Variants in MCM3AP observed in about 807,000 individuals in gnomAD.
MCM3AP encodes minichromosome maintenance complex component 3 associated protein.
In MCM3AP, 126 loss-of-function variants were observed where a neutral mutation model predicts 184.1. That is an observed-to-expected ratio of 0.68 (90% confidence interval 0.59 to 0.79). The LOEUF is 0.79. Ranked by LOEUF, MCM3AP falls within the 30% of genes least tolerant of loss-of-function variation. MCM3AP has a pLI of 0.00. For synonymous variants in MCM3AP, 1,002 were observed against 979.3 expected (o/e 1.02, Z -0.43); for missense variants, 2,496 against 2,479.2 (o/e 1.01, Z -0.14).
chr21:46,251,884 T>A, intron 19 of MCM3AP: 3 of 248,790 alleles, frequency 1.2e-5, no homozygotes, highest in East Asian at 7.6e-5. Context: ...ACTCGTTCTT[T>A]TTTTTTTTTT....
chr21:46,278,179 A>G (rs2081279592), intron 4 of MCM3AP, among the ~76,000 whole-genome samples: 1 of 151,570 alleles, frequency 6.6e-6, no homozygotes, highest in Non-Finnish European at 1.5e-5. Context: ...AAAAAAAAAG[A>G]TAGGCTCATT....
In MCM3AP at chr21:46,256,915, C is replaced by T; in HGVS notation, c.3806G>A (p.Cys1269Tyr). Residue 1269 changes from cysteine (C) to tyrosine (Y), a missense_variant, in exon 17 of 28, where the codon TGC becomes TAC. Physicochemically the swap from Cys to Tyr is radical, Grantham distance 194. This residue lies in a region of MCM3AP where 1,323 missense variants were observed against 1,273.4 expected (regional missense o/e 1.04). Coordinates refer to ENST00000291688, the MANE Select transcript of MCM3AP (RefSeq NM_003906.5). ...CCTCAGCCGGTCGCTCACGTCCACG[C>T]AGCAGGGCGCAGCAGGGAAAGCCCG... Reference protein sequence around the residue: ...QMRAFPAAPCCVDVSDRLRAL... With the variant: ...QMRAFPAAPCYVDVSDRLRAL... 1 of 1,610,900 alleles carries T rather than the reference C, an allele frequency of 6.2e-7. No homozygotes were observed.
At chr21:46,260,703 A>C (rs2081030103) in intron 15 of MCM3AP, 90 bp downstream of exon 15, 1 of 887,306 alleles carries the variant, frequency 1.1e-6, no homozygotes, top group East Asian at 2.4e-5. Flanking sequence ...ATCCATTTCC[A>C]ATAGCCCATC....
rs1346699875 is a variant in MCM3AP, at chr21:46,285,258, T to C, written c.29A>G (p.Gln10Arg). 6.2e-7 allele frequency: 1 copy of C among 1,613,986 alleles called. No homozygotes were observed. The highest frequency in any genetic ancestry group is 1.1e-5 in the South Asian group (1 of 91,076). MNPTNPFSG[Q>R]QPSAFSASSS... ...AGACGCCGAAAAAGCACTAGGCTGC[T>C]GCCCACTGAAAGGATTAGTTGGGTT... is the stretch of plus-strand genomic sequence containing the variant. Residue 10 changes from glutamine to arginine, a missense_variant, in exon 1 of 28, where the codon CAG becomes CGG. By Grantham distance (43) the Gln-to-Arg change is conservative. Around this residue, in one of 5 missense-constraint regions of MCM3AP, gnomAD observed 800 missense variants for 717.1 expected, o/e 1.12. Transcript: ENST00000291688.
chr21:46,242,983 C>T, intron 24 of MCM3AP, 52 bp from the exon 25 acceptor site: 1 of 1,251,788 alleles, frequency 8.0e-7, no homozygotes, highest in Non-Finnish European at 1.1e-6. Context: ...CCAACCCTGT[C>T]TCAAAAAAAA....
At chr21:46,277,368 CAAG>C in intron 5 of MCM3AP, among the ~76,000 whole-genome samples, 156 bp downstream of exon 5, 1 of 152,272 alleles carries the variant, frequency 6.6e-6, no homozygotes, top group Non-Finnish European at 1.5e-5. Context: ...ACACTCACTC[CAAG>C]AAGACAGGCA....
At chr21:46,265,584 G>T in intron 11 of MCM3AP, 61 bp from the exon 12 acceptor site, 1 of 1,380,860 alleles carries the variant, frequency 7.2e-7, no homozygotes, top group South Asian at 1.4e-5. Flanking sequence ...GCACCACGGG[G>T]ACCGAGGTCT....
intron 26 of MCM3AP, among the ~76,000 whole-genome samples, chr21:46,239,886 G>C (rs1459925891): frequency 1.3e-5 from 2 of 152,158 alleles, no homozygotes; most frequent in African/African-American, 4.8e-5. Context: ...GGAGGATCAA[G>C]TATGGGATGC....
rs1179227331 is a variant in MCM3AP at position 46,283,619 on chromosome 21, T to C, written c.1439A>G (p.Asp480Gly). 1.9e-6 allele frequency: 3 copies of C among 1,610,672 alleles called. No individual in the cohort carries two copies. The highest frequency in any genetic ancestry group is 1.7e-6 in the Non-Finnish European group (2 of 1,177,212). The change falls in exon 2 of 28, where the codon GAT (aspartate) becomes GGT (glycine). Residue 480 changes from aspartate to glycine, a missense_variant. By Grantham distance (94) the Asp-to-Gly change is moderately conservative. Around this residue, in one of 5 missense-constraint regions of MCM3AP, gnomAD observed 800 missense variants for 717.1 expected, o/e 1.12. Transcript: ENST00000291688. ...TGGCAAGATGGGAGTACTCACATGA[T>C]CAAAGAAATGTACCACTGCAAGCTT... is the stretch of plus-strand genomic sequence containing the variant. ...SKKLAVVHFFDHASAALARKK... is the reference protein window; with the variant it reads ...SKKLAVVHFFGHASAALARKK...
chr21:46,250,362 G>A (rs2080849752), intron 20 of MCM3AP: 1 of 148,690 alleles, frequency 6.7e-6, no homozygotes, highest in East Asian at 2.0e-4. Flanking sequence ...CAGTGGCCAA[G>A]AGGACCCCCC....
At chr21:46,241,308 T>C (rs147557585) in intron 25 of MCM3AP, 108 of 308,240 alleles carry the variant, frequency 3.5e-4, no homozygotes, top group Middle Eastern at 9.7e-4. Flanking sequence ...AAGAGGCAGC[T>C]AGGTTTTTGG....
At chr21:46,269,625 G>A (rs1327489536) in intron 9 of MCM3AP, among the ~76,000 whole-genome samples, 1 of 152,176 alleles carries the variant, frequency 6.6e-6, no homozygotes, top group Non-Finnish European at 1.5e-5. Flanking sequence ...AACCAAGGCA[G>A]GTCCCAGGAT....
chr21:46,276,645 T>G (rs1158103514), intron 5 of MCM3AP, among the ~76,000 whole-genome samples: 1 of 151,992 alleles, frequency 6.6e-6, no homozygotes, highest in Non-Finnish European at 1.5e-5. Context: ...TTTTCCATGT[T>G]GGTCAGGCTG....
At chr21:46,246,192 C>T (rs1320410191) in intron 22 of MCM3AP, 115 bp downstream of exon 22, 4 of 678,728 alleles carry the variant, frequency 5.9e-6, no homozygotes, top group Non-Finnish European at 1.1e-5. Flanking sequence ...GACAATAAAA[C>T]CCTGTCTCTT....
chr21:46,251,615 C>T lies in MCM3AP; in HGVS notation c.4204G>A (p.Asp1402Asn), dbSNP rs375959009. The change falls in exon 20 of 28, where the codon GAT becomes AAT. Residue 1402 changes from aspartate (D) to asparagine (N), a missense_variant. Physicochemically the swap from Asp to Asn is conservative, Grantham distance 23. Around this residue, in one of 5 missense-constraint regions of MCM3AP, gnomAD observed 1,323 missense variants for 1,273.4 expected, o/e 1.04. Transcript: ENST00000291688. ...GAAAGCGTCTGAATCCCACCAGCATCGCTGGATGTGTCATCCACTGAGCCT... is the reference window on the plus strand; with the variant it reads ...GAAAGCGTCTGAATCCCACCAGCATTGCTGGATGTGTCATCCACTGAGCCT... The part of the protein sequence containing the change: ...DEGSVDDTSS[D>N]AGGIQTLSLF... 3.7e-5 allele frequency: 60 copies of T among 1,610,052 alleles called. No homozygotes were observed. The highest frequency in any genetic ancestry group is 2.7e-4 in the South Asian group (25 of 90,954).
intron 4 of MCM3AP, among the ~76,000 whole-genome samples, chr21:46,278,810 A>T (rs2081286814): frequency 6.6e-6 from 1 of 151,760 alleles, no homozygotes; most frequent in Non-Finnish European, 1.5e-5. Flanking sequence ...AGTAGCTGGG[A>T]CTACAGGCAC....
rs540325663 is a variant in MCM3AP, at chr21:46,246,996, C to G, written c.4291-110G>C. On this transcript the variant is annotated intron_variant, in intron 20 of 27. Transcript: ENST00000291688. ...AAGCTCTCCGTGCACTAAATACTGA[C>G]TGTACTCCAGACAGGCCTCCAAGGG... 30 of 1,169,872 alleles carry G rather than the reference C, an allele frequency of 2.6e-5. No individual in the cohort carries two copies. The African/African-American group carries it at 3.0e-4, about 12-fold the overall frequency. 72.5% of individuals were successfully genotyped at this position (1,169,872 alleles called of 1,614,324 possible).
intron 23 of MCM3AP, 155 bp from the exon 24 acceptor site, chr21:46,243,877 G>A (rs2080719260): frequency 1.4e-6 from 1 of 710,680 alleles, no homozygotes; most frequent in South Asian, 1.9e-5. Flanking sequence ...AGAGCAGCTT[G>A]CTCCCAGGGT....
chr21:46,271,583 G>T (rs1272036326), intron 8 of MCM3AP, among the ~76,000 whole-genome samples: 1 of 152,036 alleles, frequency 6.6e-6, no homozygotes, highest in Non-Finnish European at 1.5e-5. Flanking sequence ...AAATCAGCCG[G>T]GCATGGAGAC....
Sources: allele counts gnomAD v4.1 joint callset (sites outside exome capture counted in the v4.1 genomes callset), GRCh38; gene constraint gnomAD v4.1.1; regional missense constraint gnomAD v4.1.1; transcripts MANE v1.5; gene names NCBI Gene and HGNC (gene_info 2026-07-23, HGNC 2026-07-21).